COL27A1: variants seen among roughly 807,000 people sequenced by gnomAD.
The protein encoded by COL27A1 is collagen alpha-1(XXVII) chain.
COL27A1 carries 106 observed loss-of-function variants against 251.3 expected under a neutral mutation model. That is an observed-to-expected ratio of 0.42 (90% CI 0.36 to 0.50). The LOEUF is 0.50. COL27A1 is among the 20% of genes least tolerant of loss of function. The pLI is 0.00. For synonymous variants in COL27A1, 1,000 were observed against 986.3 expected (o/e 1.01, Z -0.26); for missense variants, 2,325 against 2,522.8 (o/e 0.92, Z 1.68).
At chr9:114,264,559 T>C in intron 29 of COL27A1, 151 bp downstream of exon 29, 1 of 588,672 alleles carries the variant, frequency 1.7e-6, no homozygotes, top group South Asian at 3.0e-5. Context: ...AGCTTAGCCC[T>C]TCCACTCCTC....
intron 24 of COL27A1, 134 bp from the exon 25 acceptor site, chr9:114,250,481 G>C: frequency 1.3e-6 from 1 of 762,074 alleles, no homozygotes; most frequent in Non-Finnish European, 2.3e-6. Context: ...GCTCTCCCCG[G>C]CACAACCCCA....
intron 5 of COL27A1, among the ~76,000 whole-genome samples, chr9:114,191,846 A>C (rs1828772317): frequency 6.6e-6 from 1 of 152,234 alleles, no homozygotes; most frequent in Non-Finnish European, 1.5e-5. Flanking sequence ...GGGGATAGTG[A>C]TCGTTGCCAA....
intron 21 of COL27A1, among the ~76,000 whole-genome samples, chr9:114,241,100 T>C (rs1011142229): frequency 2.7e-4 from 41 of 152,274 alleles, no homozygotes; most frequent in African/African-American, 9.9e-4. Flanking sequence ...TGCTTATTTA[T>C]GTGCGCTGGA....
chr9:114,256,510 A>G (rs530945008), intron 27 of COL27A1, among the ~76,000 whole-genome samples: 2 of 152,210 alleles, frequency 1.3e-5, no homozygotes, highest in East Asian at 3.9e-4. Flanking sequence ...AAAGATTATT[A>G]TCCCCATTAT....
intron 1 of COL27A1, among the ~76,000 whole-genome samples, chr9:114,156,635 G>C (rs1263922810): frequency 6.6e-6 from 1 of 152,134 alleles, no homozygotes; most frequent in Non-Finnish European, 1.5e-5. Flanking sequence ...GAAAAAGTGA[G>C]AGCCAGCATG....
intron 2 of COL27A1, among the ~76,000 whole-genome samples, chr9:114,165,777 A>G (rs1253451737): frequency 1.3e-5 from 2 of 151,122 alleles, no homozygotes; most frequent in African/African-American, 2.4e-5. Flanking sequence ...CTACCTATCC[A>G]TCCATCCATT....
At chr9:114,253,080 C>A in intron 27 of COL27A1, 148 bp downstream of exon 27, 1 of 692,012 alleles carries the variant, frequency 1.4e-6, no homozygotes, top group Non-Finnish European at 2.5e-6. Context: ...ACAAACATAC[C>A]AAAACCTTGT....
At chr9:114,278,542 GGTA>G (rs1270103801) in intron 37 of COL27A1, among the ~76,000 whole-genome samples, 2 of 143,456 alleles carry the variant, frequency 1.4e-5, no homozygotes, top group Admixed American at 1.4e-4. Context: ...TGGTAGTGAT[GGTA>G]GTAGTGATGG....
At chr9:114,264,308 G>C (rs1247754990) in intron 28 of COL27A1, 47 bp from the exon 29 acceptor site, 2 of 1,482,138 alleles carry the variant, frequency 1.3e-6, no homozygotes, top group Admixed American at 4.4e-5. Context: ...CTCCGCCCGA[G>C]GGAGACCCCT....
chr9:114,238,708 G>A (rs939692334), intron 19 of COL27A1, among the ~76,000 whole-genome samples: 18 of 152,100 alleles, frequency 1.2e-4, no homozygotes, highest in South Asian at 2.1e-4. Flanking sequence ...TCCTCTGGTC[G>A]CTGGAAAAAG....
intron 27 of COL27A1, among the ~76,000 whole-genome samples, 181 bp downstream of exon 27, chr9:114,253,113 C>T (rs1177135458): frequency 1.3e-5 from 2 of 152,096 alleles, no homozygotes; most frequent in Non-Finnish European, 2.9e-5. Flanking sequence ...TACAAAAATT[C>T]GCTGGGCGTG....
chr9:114,169,580 T>A, intron 3 of COL27A1, 117 bp downstream of exon 3: 1 of 791,662 alleles, frequency 1.3e-6, no homozygotes, highest in South Asian at 2.3e-5. Flanking sequence ...AGGGAGCTGG[T>A]TATGGGTACA....
chr9:114,309,321 C>T lies in COL27A1; in HGVS notation c.5279C>T (p.Thr1760Ile). 6.2e-7 allele frequency: 1 copy of T among 1,614,114 alleles called. No homozygotes were observed. The highest frequency in any genetic ancestry group is 1.6e-4 in the Middle Eastern group (1 of 6,062). ...CTGCACCTGCTAAGCTCCGAGGTGA[C>T]CCAGCACATCACCATCCACTGCCTT... The part of the protein sequence containing the change: ...NFLHLLSSEV[T>I]QHITIHCLNM... The change falls in exon 60 of 61, where the codon ACC becomes ATC. Residue 1760 changes from threonine to isoleucine, a missense_variant. Around this residue, in one of 4 missense-constraint regions of COL27A1, gnomAD observed 327 missense variants for 442.8 expected, o/e 0.74. Transcript: ENST00000356083.
Position 114,168,709 on chromosome 9 carries a change from C to T in COL27A1, c.1154C>T (p.Pro385Leu), listed in dbSNP as rs774657512. ...PSTSIVPIKS[P>L]HPTQKTAPSS... Reference sequence around the variant, plus strand: ...ACTTCAATTGTGCCCATCAAAAGCCCCCATCCTACCCAGAAAACAGCTCCA... The same window carrying T: ...ACTTCAATTGTGCCCATCAAAAGCCTCCATCCTACCCAGAAAACAGCTCCA... The change falls in exon 3 of 61, where the codon CCC (proline) becomes CTC (leucine). Residue 385 changes from proline to leucine, a missense_variant. Pro to Leu is a moderately conservative substitution (Grantham distance 98, BLOSUM62 -3). Coordinates refer to ENST00000356083, the MANE Select transcript of COL27A1 (RefSeq NM_032888.4). The T allele has an allele frequency of 2.5e-6, 4 of 1,613,974 alleles. No homozygotes were observed. The highest frequency in any genetic ancestry group is 1.7e-6 in the Non-Finnish European group (2 of 1,180,050).
intron 45 of COL27A1, among the ~76,000 whole-genome samples, chr9:114,289,745 C>T (rs536216892): frequency 2.9e-4 from 44 of 152,132 alleles, no homozygotes; most frequent in Middle Eastern, 3.4e-3. Flanking sequence ...CCCCCGGGTG[C>T]GCCCCCCTCA....
chr9:114,176,101 C>T (rs1827418101), intron 3 of COL27A1, among the ~76,000 whole-genome samples: 1 of 152,192 alleles, frequency 6.6e-6, no homozygotes, highest in Non-Finnish European at 1.5e-5. Flanking sequence ...CAGGCTCTGC[C>T]TCTTGTTAGC....
At chr9:114,224,477 G>A (rs938519169) in intron 14 of COL27A1, among the ~76,000 whole-genome samples, 1 of 152,072 alleles carries the variant, frequency 6.6e-6, no homozygotes, top group South Asian at 2.1e-4. Context: ...CCATCCCAAA[G>A]CCTTTCTGAA....
chr9:114,296,474 G>C (rs1444617031), intron 49 of COL27A1, among the ~76,000 whole-genome samples: 1 of 152,214 alleles, frequency 6.6e-6, no homozygotes, highest in African/African-American at 2.4e-5. Flanking sequence ...TTAGTCATTA[G>C]ACAAATGCTC....
intron 5 of COL27A1, among the ~76,000 whole-genome samples, chr9:114,193,731 G>A (rs1687885405): frequency 6.6e-6 from 1 of 152,078 alleles, no homozygotes; most frequent in Admixed American, 6.5e-5. Flanking sequence ...TTCGTGCATT[G>A]AACCTCATGT....
Sources: gnomAD v4.1 joint callset for allele counts (sites outside exome capture counted in the v4.1 genomes callset) on GRCh38, gnomAD v4.1.1 for gene constraint, gnomAD v4.1.1 regional missense constraint, MANE v1.5 for transcripts, NCBI Gene and HGNC (gene_info 2026-07-23, HGNC 2026-07-21) for gene names.